Variants in CNTNAP2 observed in about 807,000 individuals in gnomAD.
CNTNAP2 encodes the protein contactin-associated protein-like 2.
A neutral mutation model predicts 155.2 loss-of-function variants in CNTNAP2; 98 were observed. That is an observed-to-expected ratio of 0.63 (90% confidence interval 0.54 to 0.75). The LOEUF (loss-of-function observed/expected upper bound fraction) is 0.75, where lower values mean the gene tolerates loss of function less well. Among genes scored for constraint, CNTNAP2 ranks in the 30% least tolerant of loss-of-function variants. CNTNAP2 has a pLI of 0.00. For missense variants in CNTNAP2, 1,727 were observed against 1,688.1 expected, an observed-to-expected ratio of 1.02 and a Z score of -0.40; for synonymous variants, 651 against 631.2, an observed-to-expected ratio of 1.03 and a Z score of -0.47.
intron 4 of CNTNAP2, among the ~76,000 whole-genome samples, chr7:147,049,049 G>A (rs759110948): frequency 3.3e-5 from 5 of 152,164 alleles, no homozygotes; most frequent in Non-Finnish European, 5.9e-5. Flanking sequence ...TCTGGAGGCT[G>A]GGGAGCTCAA....
At chr7:146,885,928 G>GGTGTGTGTGTGT (rs36231370) in intron 3 of CNTNAP2, among the ~76,000 whole-genome samples, 2 of 141,852 alleles carry the variant, frequency 1.4e-5, no homozygotes, top group Non-Finnish European at 3.1e-5. Flanking sequence ...TATGTAAGTC[G>GGTGTGTGTGTGT]GTGTGTGTGT....
At chr7:146,739,398 T>TC (rs1449422056) in intron 1 of CNTNAP2, among the ~76,000 whole-genome samples, 3 of 151,904 alleles carry the variant, frequency 2.0e-5, no homozygotes, top group Non-Finnish European at 4.4e-5. Flanking sequence ...GAACATTTTT[T>TC]CACAGACTCA....
chr7:146,848,430 G>C (rs1794803929), intron 3 of CNTNAP2, among the ~76,000 whole-genome samples: 1 of 152,162 alleles, frequency 6.6e-6, no homozygotes, highest in Non-Finnish European at 1.5e-5. Flanking sequence ...CAAAACACAA[G>C]CATAATTGCT....
At chr7:148,028,483 G>T (rs1802411688) in intron 15 of CNTNAP2, among the ~76,000 whole-genome samples, 1 of 152,186 alleles carries the variant, frequency 6.6e-6, no homozygotes. Context: ...GACCAAGGTG[G>T]AAGGATCACT....
intron 15 of CNTNAP2, among the ~76,000 whole-genome samples, chr7:148,020,936 G>GC (rs1206741641): frequency 6.6e-6 from 1 of 152,224 alleles, no homozygotes; most frequent in Non-Finnish European, 1.5e-5. Context: ...GGCGCCACCT[G>GC]CCACTTTGTG....
At chr7:146,428,362 A>G (rs1217797392) in intron 1 of CNTNAP2, among the ~76,000 whole-genome samples, 1 of 151,938 alleles carries the variant, frequency 6.6e-6, no homozygotes, top group African/African-American at 2.4e-5. Flanking sequence ...ATTCCCATCA[A>G]CAGTGTAAAA....
intron 19 of CNTNAP2, among the ~76,000 whole-genome samples, chr7:148,227,784 G>A (rs1795879996): frequency 6.6e-6 from 1 of 152,136 alleles, no homozygotes; most frequent in South Asian, 2.1e-4. Context: ...AACAAATATA[G>A]GAAATGTAAT....
chr7:147,703,528 A>G (rs532118127), intron 13 of CNTNAP2, among the ~76,000 whole-genome samples: 2 of 152,320 alleles, frequency 1.3e-5, no homozygotes, highest in Admixed American at 1.3e-4. Context: ...AGTAAGGACA[A>G]AAAATACTTT....
At chr7:147,006,180 C>A (rs1477618293) in intron 3 of CNTNAP2, among the ~76,000 whole-genome samples, 1 of 151,936 alleles carries the variant, frequency 6.6e-6, no homozygotes, top group Non-Finnish European at 1.5e-5. Context: ...TATATAACAT[C>A]TTAGGCTCAA....
At chr7:148,056,904 CA>C (rs1301295424) in intron 15 of CNTNAP2, among the ~76,000 whole-genome samples, 1 of 152,136 alleles carries the variant, frequency 6.6e-6, no homozygotes, top group Admixed American at 6.5e-5. Context: ...TCCAGTTTTG[CA>C]ACAACTTTTA....
intron 1 of CNTNAP2, among the ~76,000 whole-genome samples, chr7:146,321,977 G>GA (rs60549677): frequency 0.035 from 5,302 of 151,754 alleles, 314 homozygotes; most frequent in African/African-American, 0.12. Context: ...ATTTAAATAT[G>GA]AAAAAAAATT....
At chr7:146,175,148 C>T (rs1191813012) in intron 1 of CNTNAP2, among the ~76,000 whole-genome samples, 1 of 152,112 alleles carries the variant, frequency 6.6e-6, no homozygotes, top group Non-Finnish European at 1.5e-5. Context: ...ATGGGTAGAT[C>T]ATCTGGTCAG....
chr7:147,813,120 GA>G (rs11291111), intron 13 of CNTNAP2, among the ~76,000 whole-genome samples: 21,824 of 135,612 alleles, frequency 0.16, 1,542 homozygotes, highest in African/African-American at 0.19. Flanking sequence ...TTCACTATTT[GA>G]AAAAAAAAAA....
At chr7:147,788,767 G>A (rs1057108550) in intron 13 of CNTNAP2, among the ~76,000 whole-genome samples, 2 of 151,998 alleles carry the variant, frequency 1.3e-5, no homozygotes, top group Admixed American at 1.3e-4. Flanking sequence ...CTTGGTGGAT[G>A]CAGCGGTGAC....
intron 13 of CNTNAP2, among the ~76,000 whole-genome samples, chr7:147,729,518 G>T (rs1361961694): frequency 2.6e-5 from 4 of 151,154 alleles, no homozygotes; most frequent in Non-Finnish European, 5.9e-5. Context: ...ACAAGAAAAG[G>T]CTCCTAATTC....
chr7:146,337,449 C>T (rs546528277), intron 1 of CNTNAP2, among the ~76,000 whole-genome samples: 15 of 151,980 alleles, frequency 9.9e-5, no homozygotes, highest in Non-Finnish European at 1.8e-4. Context: ...GGAATGCACA[C>T]GATTACTGTT....
chr7:147,366,051 A>C (rs1796224500), intron 9 of CNTNAP2, among the ~76,000 whole-genome samples: 1 of 152,220 alleles, frequency 6.6e-6, no homozygotes, highest in South Asian at 2.1e-4. Context: ...TTCCTTCATC[A>C]AGAATTTTCA....
intron 8 of CNTNAP2, among the ~76,000 whole-genome samples, chr7:147,209,748 G>C (rs1803105138): frequency 1.3e-5 from 2 of 151,902 alleles, no homozygotes; most frequent in Middle Eastern, 3.4e-3. Flanking sequence ...ACTATTTTGA[G>C]GTATGTTCCT....
chr7:147,173,324 A>G (rs569731472), intron 8 of CNTNAP2, among the ~76,000 whole-genome samples: 1 of 152,068 alleles, frequency 6.6e-6, no homozygotes, highest in South Asian at 2.1e-4. Context: ...TCTCCTCCAG[A>G]TGCCATTGCC....
Sources: allele counts gnomAD v4.1 joint callset (sites outside exome capture counted in the v4.1 genomes callset), GRCh38; gene constraint gnomAD v4.1.1; transcripts MANE v1.5; gene names NCBI Gene and HGNC (gene_info 2026-07-23, HGNC 2026-07-21).